APBB1IP: variants seen among roughly 807,000 people sequenced by gnomAD.
The protein encoded by APBB1IP is amyloid beta A4 precursor protein-binding family B member 1-interacting protein.
In APBB1IP, 27 loss-of-function variants were observed where a neutral mutation model predicts 64.9. The ratio of observed to expected loss-of-function variants is 0.42; its 90% CI spans 0.31 to 0.57. The LOEUF (loss-of-function observed/expected upper bound fraction) is 0.57, where lower values mean the gene tolerates loss of function less well. APBB1IP is among the 20% of genes least tolerant of loss of function. The pLI is 0.20. For synonymous variants in APBB1IP, 392 were observed against 331.0 expected, an observed-to-expected ratio of 1.18 and a Z score of -2.00; for missense variants, 812 against 845.5, an observed-to-expected ratio of 0.96 and a Z score of 0.49.
At chr10:26,497,648 A>T (rs138066770) in intron 4 of APBB1IP, among the ~76,000 whole-genome samples, 1 of 152,048 alleles carries the variant, frequency 6.6e-6, no homozygotes, top group East Asian at 1.9e-4. Flanking sequence ...CCTACCAAAA[A>T]TGTGAAAAGC....
intron 2 of APBB1IP, among the ~76,000 whole-genome samples, chr10:26,472,130 C>A (rs1338221989): frequency 1.3e-5 from 2 of 152,168 alleles, no homozygotes; most frequent in Non-Finnish European, 2.9e-5. Context: ...AAATCCCTCA[C>A]CCCACAGAAA....
chr10:26,441,934 T>C (rs1835342182), intron 2 of APBB1IP, among the ~76,000 whole-genome samples: 1 of 152,224 alleles, frequency 6.6e-6, no homozygotes, highest in African/African-American at 2.4e-5. Context: ...TGTCATCTTG[T>C]TAATCATCAC....
rs1018326527 is a variant in APBB1IP at position 26,567,296 on chromosome 10, G to A, written c.1809G>A (p.Pro603=). ...IAGSELPPPP[P]PPPAPAPAPV... is the part of the protein sequence containing the mutation. ...GCTCAGAGCTGCCCCCGCCGCCGCCGCCGCCGCCCGCGCCCGCGCCCGCCC... is the reference window on the plus strand; with the variant it reads ...GCTCAGAGCTGCCCCCGCCGCCGCCACCGCCGCCCGCGCCCGCGCCCGCCC... The change falls in exon 15 of 15, where the codon CCG becomes CCA. Residue 603 remains proline, a synonymous_variant. Coordinates refer to ENST00000376236, the MANE Select transcript of APBB1IP (RefSeq NM_019043.4). 7 of 1,082,732 alleles carry A rather than the reference G, an allele frequency of 6.5e-6. No individual in the cohort carries two copies. In the African/African-American group the frequency reaches 8.7e-5, roughly 13 times the overall value. The allele number at this position is 1,082,732 out of a possible 1,614,324, so 67.1% of individuals were successfully genotyped here. A position where few individuals can be genotyped will look rare whatever the true frequency, so the allele number is the denominator to read the frequency against.
intron 8 of APBB1IP, among the ~76,000 whole-genome samples, chr10:26,529,074 C>T (rs943476708): frequency 6.6e-6 from 1 of 152,220 alleles, no homozygotes; most frequent in Non-Finnish European, 1.5e-5. Flanking sequence ...TCTTTCCTAT[C>T]CAGCTGTCCC....
chr10:26,533,060 G>A (rs1313338663), intron 8 of APBB1IP, among the ~76,000 whole-genome samples: 1 of 152,224 alleles, frequency 6.6e-6, no homozygotes, highest in African/African-American at 2.4e-5. Context: ...CCCCTCTTGA[G>A]CATAGGACAT....
intron 2 of APBB1IP, among the ~76,000 whole-genome samples, chr10:26,456,116 A>G (rs945291): frequency 0.4 from 60,706 of 152,056 alleles, 12,254 homozygotes; most frequent in South Asian, 0.5. Context: ...GAACGGATAC[A>G]GGGTTTCTTT....
intron 2 of APBB1IP, among the ~76,000 whole-genome samples, chr10:26,476,190 C>G (rs1362824625): frequency 1.3e-5 from 2 of 151,854 alleles, no homozygotes; most frequent in Non-Finnish European, 2.9e-5. Context: ...TCCCGAGCAG[C>G]TGGGATTACA....
intron 2 of APBB1IP, among the ~76,000 whole-genome samples, chr10:26,466,392 A>G (rs1398994182): frequency 6.6e-6 from 1 of 152,194 alleles, no homozygotes; most frequent in African/African-American, 2.4e-5. Context: ...GTGTCAAAGA[A>G]TAGGAGGCCC....
intron 2 of APBB1IP, among the ~76,000 whole-genome samples, chr10:26,473,579 C>T (rs1835743940): frequency 6.6e-6 from 1 of 152,208 alleles, no homozygotes; most frequent in Non-Finnish European, 1.5e-5. Flanking sequence ...ACAATTGGAT[C>T]CTGCTTCACT....
chr10:26,531,060 G>T (rs1317675493), intron 8 of APBB1IP, among the ~76,000 whole-genome samples: 1 of 152,068 alleles, frequency 6.6e-6, no homozygotes, highest in Non-Finnish European at 1.5e-5. Context: ...ATTACCAAAA[G>T]AATTGTACTT....
At chr10:26,456,784 G>T (rs1466625766) in intron 2 of APBB1IP, among the ~76,000 whole-genome samples, 1 of 149,808 alleles carries the variant, frequency 6.7e-6, no homozygotes, top group East Asian at 2.0e-4. Context: ...GCCTGTGTAG[G>T]CATATGAAAA....
chr10:26,502,266 C>T (rs1220531414), intron 5 of APBB1IP, among the ~76,000 whole-genome samples: 1 of 152,222 alleles, frequency 6.6e-6, no homozygotes, highest in African/African-American at 2.4e-5. Flanking sequence ...GCTTTGGGCT[C>T]ATAAAATACT....
intron 4 of APBB1IP, 41 bp downstream of exon 4, chr10:26,496,432 T>A (rs1252053417): frequency 6.9e-7 from 1 of 1,457,704 alleles, no homozygotes. Flanking sequence ...TTCAAAATCA[T>A]AATGATGATT....
At chr10:26,559,112 A>G (rs529446608) in intron 11 of APBB1IP, among the ~76,000 whole-genome samples, 1 of 152,352 alleles carries the variant, frequency 6.6e-6, no homozygotes, top group East Asian at 1.9e-4. Context: ...TCTCATAGGC[A>G]TTAATTCTAT....
chr10:26,548,124 C>G (rs765786669), intron 11 of APBB1IP, among the ~76,000 whole-genome samples: 4 of 152,134 alleles, frequency 2.6e-5, no homozygotes, highest in Non-Finnish European at 5.9e-5. Flanking sequence ...TATTTGGAGT[C>G]TGTGTTTCCA....
chr10:26,457,396 T>C (rs1273325333), intron 2 of APBB1IP, among the ~76,000 whole-genome samples: 1 of 152,228 alleles, frequency 6.6e-6, no homozygotes, highest in Non-Finnish European at 1.5e-5. Context: ...TGCCTCCGCC[T>C]TCCAAAGTGC....
At chr10:26,460,597 A>G (rs946541465) in intron 2 of APBB1IP, among the ~76,000 whole-genome samples, 4 of 152,216 alleles carry the variant, frequency 2.6e-5, no homozygotes, top group African/African-American at 7.2e-5. Flanking sequence ...TGGTAAATAT[A>G]CACCATGGAA....
At position 26,461,918 on chromosome 10, in the gene APBB1IP, C is replaced by T. The variant is rs192966360; in HGVS notation, c.-1+23065C>T. On this transcript the variant is annotated intron_variant, in intron 2 of 14. Coordinates refer to ENST00000376236, the MANE Select transcript of APBB1IP (RefSeq NM_019043.4). ...AACACTACTGATGTGTATATATTTA[C>T]TTCACATCAGCCACCTTATTAATTC... Among the ~76,000 whole-genome samples the T allele has an allele frequency of 3.6e-3, 555 of 152,266 alleles. 3 individuals carry two copies. The highest frequency in any genetic ancestry group is 0.013 in the African/African-American group (534 of 41,538).
At chr10:26,460,406 AAT>A (rs1196967137) in intron 2 of APBB1IP, among the ~76,000 whole-genome samples, 1 of 152,176 alleles carries the variant, frequency 6.6e-6, no homozygotes, top group Admixed American at 6.5e-5. Flanking sequence ...TGTTTAGGAG[AAT>A]AAAGCCACAA....
Sources: gnomAD v4.1 joint callset for allele counts (sites outside exome capture counted in the v4.1 genomes callset) on GRCh38, gnomAD v4.1.1 for gene constraint, MANE v1.5 for transcripts, NCBI Gene and HGNC (gene_info 2026-07-23, HGNC 2026-07-21) for gene names.